Variants in FSTL5 observed in about 807,000 individuals in gnomAD.
FSTL5 encodes follistatin-related protein 5.
A neutral mutation model predicts 89.1 loss-of-function variants in FSTL5; 62 were observed. The ratio of observed to expected loss-of-function variants is 0.70; its 90% CI spans 0.57 to 0.86. The LOEUF (loss-of-function observed/expected upper bound fraction) is 0.86, where lower values mean the gene tolerates loss of function less well. FSTL5 is among the 40% of genes least tolerant of loss of function. The probability of loss-of-function intolerance (pLI) is 0.00; values close to 1 mark genes in which losing one functional copy is unlikely to be tolerated. For missense variants in FSTL5, 1,057 were observed against 1,001.6 expected, an observed-to-expected ratio of 1.06 and a Z score of -0.75; for synonymous variants, 383 against 346.2, an observed-to-expected ratio of 1.11 and a Z score of -1.18.
rs5863480 is a variant in FSTL5 at position 161,748,606 on chromosome 4, GTTT to G, written c.727+10802_727+10804del. On this transcript the variant is annotated intron_variant, in intron 6 of 15. Coordinates refer to ENST00000306100, the MANE Select transcript of FSTL5 (RefSeq NM_020116.5). ...CTGAAATAATGCAAAGGGGAAGCACGTTTTTTTTTTTTTTTTTTTTTTCTCAGA... is the reference window on the plus strand; with the variant it reads ...CTGAAATAATGCAAAGGGGAAGCACGTTTTTTTTTTTTTTTTTTTCTCAGA... 1.5e-3 allele frequency among the ~76,000 whole-genome samples: 155 copies of G among 103,506 alleles called. 1 individual carries two copies. The highest frequency in any genetic ancestry group is 4.8e-3 in the African/African-American group (144 of 29,762). The allele number at this position is 103,506 out of a possible 152,430, so 67.9% of individuals were successfully genotyped here.
chr4:161,881,972 A>G (rs773311641), intron 4 of FSTL5, among the ~76,000 whole-genome samples: 13 of 152,140 alleles, frequency 8.5e-5, no homozygotes, highest in Admixed American at 2.6e-4. Context: ...ATTTTATAAA[A>G]TGATCTCAAA....
At chr4:162,146,752 TTCTCTCTC>T (rs373161292) in intron 1 of FSTL5, among the ~76,000 whole-genome samples, 2 of 117,846 alleles carry the variant, frequency 1.7e-5, no homozygotes, top group Non-Finnish European at 4.0e-5. Context: ...TCTTTCTCCT[TTCTCTCTC>T]TCTCTCTCTC....
intron 6 of FSTL5, among the ~76,000 whole-genome samples, chr4:161,699,336 T>C (rs1738294149): frequency 6.6e-6 from 1 of 152,208 alleles, no homozygotes; most frequent in Non-Finnish European, 1.5e-5. Flanking sequence ...CACTATCAAT[T>C]ATATAATATT....
intron 12 of FSTL5, 141 bp downstream of exon 12, chr4:161,499,875 A>G (rs1012038060): frequency 4.9e-6 from 3 of 614,120 alleles, no homozygotes; most frequent in Non-Finnish European, 8.6e-6. Context: ...CCTAAAAAGA[A>G]TAACACCGAA....
intron 3 of FSTL5, among the ~76,000 whole-genome samples, chr4:162,016,289 C>T (rs1736913597): frequency 6.6e-6 from 1 of 152,118 alleles, no homozygotes; most frequent in African/African-American, 2.4e-5. Flanking sequence ...TGGAAATAAG[C>T]TTCTTTTCAG....
chr4:161,795,499 C>G (rs1303049656), intron 4 of FSTL5, among the ~76,000 whole-genome samples: 2 of 152,002 alleles, frequency 1.3e-5, no homozygotes, highest in African/African-American at 4.8e-5. Flanking sequence ...CAGTTCCTTC[C>G]TTCCTTTTGA....
At chr4:161,677,830 G>GT (rs1204432876) in intron 6 of FSTL5, among the ~76,000 whole-genome samples, 4 of 151,658 alleles carry the variant, frequency 2.6e-5, no homozygotes, top group African/African-American at 9.7e-5. Flanking sequence ...CTAAAATTGT[G>GT]TTTTTTTGAC....
At chr4:162,001,451 C>A (rs1296235536) in intron 3 of FSTL5, among the ~76,000 whole-genome samples, 2 of 152,044 alleles carry the variant, frequency 1.3e-5, no homozygotes, top group African/African-American at 4.8e-5. Context: ...CACTTTCTGG[C>A]CATTAGATGT....
intron 10 of FSTL5, among the ~76,000 whole-genome samples, chr4:161,510,898 T>C (rs1730630008): frequency 6.6e-6 from 1 of 152,032 alleles, no homozygotes; most frequent in Non-Finnish European, 1.5e-5. Flanking sequence ...ATCCAAGATC[T>C]TGAACAACAA....
chr4:162,081,211 G>A (rs1730084971), intron 2 of FSTL5, among the ~76,000 whole-genome samples: 1 of 151,478 alleles, frequency 6.6e-6, no homozygotes, highest in African/African-American at 2.4e-5. Flanking sequence ...CAAAATCAGA[G>A]TTTTCCAGAG....
chr4:161,709,198 T>A (rs1259890176), intron 6 of FSTL5, among the ~76,000 whole-genome samples: 1 of 152,136 alleles, frequency 6.6e-6, no homozygotes, highest in Non-Finnish European at 1.5e-5. Context: ...AAATAAAAAA[T>A]TATTTTCCTT....
At chr4:161,934,393 A>G (rs1251510733) in intron 3 of FSTL5, among the ~76,000 whole-genome samples, 3 of 152,128 alleles carry the variant, frequency 2.0e-5, no homozygotes, top group African/African-American at 7.2e-5. Flanking sequence ...AGAAGAAAAG[A>G]AAGTATTTAT....
chr4:161,611,968 G>A (rs1578965838), intron 7 of FSTL5, among the ~76,000 whole-genome samples: 1 of 104,258 alleles, frequency 9.6e-6, no homozygotes, highest in Non-Finnish European at 2.2e-5. Context: ...AGTGAAGAGG[G>A]TCAAGGCCAA....
intron 4 of FSTL5, among the ~76,000 whole-genome samples, chr4:161,801,149 T>C (rs1002998833): frequency 1.3e-5 from 2 of 151,638 alleles, no homozygotes; most frequent in Non-Finnish European, 3.0e-5. Context: ...AAAAATACTG[T>C]TGCAAACATC....
intron 6 of FSTL5, among the ~76,000 whole-genome samples, chr4:161,720,768 A>G (rs1210748798): frequency 6.6e-6 from 1 of 152,172 alleles, no homozygotes; most frequent in Non-Finnish European, 1.5e-5. Flanking sequence ...CAGACACACA[A>G]GGGCAAATAC....
At chr4:161,741,939 G>A (rs551566184) in intron 6 of FSTL5, among the ~76,000 whole-genome samples, 1 of 152,108 alleles carries the variant, frequency 6.6e-6, no homozygotes, top group South Asian at 2.1e-4. Context: ...ATTAAACGCA[G>A]CCTAGAGACT....
intron 2 of FSTL5, among the ~76,000 whole-genome samples, chr4:162,040,872 G>T (rs1346552433): frequency 6.6e-6 from 1 of 150,996 alleles, no homozygotes; most frequent in South Asian, 2.1e-4. Context: ...ATATATGCTT[G>T]TCCATTGTCT....
At chr4:161,393,659 A>G (rs72681762) in intron 15 of FSTL5, among the ~76,000 whole-genome samples, 7,634 of 152,270 alleles carry the variant, frequency 0.05, 218 homozygotes, top group South Asian at 0.12. Context: ...TAAAGTGACT[A>G]TTTTCAGAGA....
At chr4:161,911,489 C>T (rs1052059899) in intron 4 of FSTL5, among the ~76,000 whole-genome samples, 15 of 152,100 alleles carry the variant, frequency 9.9e-5, no homozygotes, top group South Asian at 8.3e-4. Context: ...GATTACAATG[C>T]ATGTTCAGAT....
Sources: gnomAD v4.1 joint callset for allele counts (sites outside exome capture counted in the v4.1 genomes callset) on GRCh38, gnomAD v4.1.1 for gene constraint, MANE v1.5 for transcripts, NCBI Gene and HGNC (gene_info 2026-07-23, HGNC 2026-07-21) for gene names.